PLEK: variants seen among roughly 807,000 people sequenced by gnomAD.
PLEK encodes platelet 47 kDa protein.
Under a neutral mutation model 43.9 loss-of-function variants are expected in PLEK, and 25 were observed. That is an observed-to-expected ratio of 0.57 (90% confidence interval 0.41 to 0.79). PLEK has a LOEUF of 0.79. PLEK is among the 30% of genes least tolerant of loss of function. The probability of loss-of-function intolerance (pLI) is 0.00; values close to 1 mark genes in which losing one functional copy is unlikely to be tolerated. For missense variants in PLEK, 396 were observed against 413.3 expected, an observed-to-expected ratio of 0.96 and a Z score of 0.36; for synonymous variants, 152 against 144.4, an observed-to-expected ratio of 1.05 and a Z score of -0.38.
rs554478893 is a variant in PLEK at position 68,387,620 on chromosome 2, C to G, written c.658-767C>G. Among the ~76,000 whole-genome samples the G allele has an allele frequency of 8.5e-5, 13 of 152,274 alleles. No homozygotes were observed. The South Asian group carries it at 2.5e-3, about 29-fold the overall frequency. On this transcript the variant is annotated intron_variant, in intron 5 of 8. Transcript: ENST00000234313. ...TGAACCTGTTCTTAGGCCATGTGAGCAATGGTGGATTTCTTGGGGGATTTT... is the reference window on the plus strand; with the variant it reads ...TGAACCTGTTCTTAGGCCATGTGAGGAATGGTGGATTTCTTGGGGGATTTT...
chr2:68,394,286 AATGGGGCAGGC>A, intron 8 of PLEK, 110 bp downstream of exon 8: 1 of 772,208 alleles, frequency 1.3e-6, no homozygotes, highest in Non-Finnish European at 2.4e-6. Context: ...GATAAGCAGG[AATGGGGCAGGC>A]ATGGTGGCTC....
chr2:68,379,521 A>G (rs1673570668), intron 1 of PLEK, among the ~76,000 whole-genome samples: 1 of 152,130 alleles, frequency 6.6e-6, no homozygotes, highest in Non-Finnish European at 1.5e-5. Context: ...AAAAAAAGAA[A>G]GAACTATACT....
intron 1 of PLEK, among the ~76,000 whole-genome samples, chr2:68,376,834 T>C (rs1673513169): frequency 6.6e-6 from 1 of 152,180 alleles, no homozygotes; most frequent in African/African-American, 2.4e-5. Flanking sequence ...GTCACACTGT[T>C]GTGCTATGAA....
chr2:68,376,898 A>G (rs888625771), intron 1 of PLEK, among the ~76,000 whole-genome samples: 2 of 152,136 alleles, frequency 1.3e-5, no homozygotes, highest in Non-Finnish European at 2.9e-5. Context: ...CCCATTAACC[A>G]TCCCCACCTC....
At chr2:68,370,749 G>C (rs1260541553) in intron 1 of PLEK, among the ~76,000 whole-genome samples, 2 of 152,166 alleles carry the variant, frequency 1.3e-5, no homozygotes, top group Non-Finnish European at 1.5e-5. Context: ...GCCTCCCAAA[G>C]TGCTAGGATT....
At chr2:68,366,867 T>G (rs545011911) in intron 1 of PLEK, among the ~76,000 whole-genome samples, 5 of 152,346 alleles carry the variant, frequency 3.3e-5, no homozygotes, top group African/African-American at 7.2e-5. Context: ...TTGTTTGTTT[T>G]TTTAAACAAT....
chr2:68,386,962 T>A (rs191275779), intron 5 of PLEK, among the ~76,000 whole-genome samples: 2,872 of 152,256 alleles, frequency 0.019, 70 homozygotes, highest in African/African-American at 0.064. Flanking sequence ...TGAAAAAAAA[T>A]TTTTAAAGGA....
chr2:68,382,487 T>C, intron 3 of PLEK, 55 bp from the exon 4 acceptor site: 1 of 1,053,116 alleles, frequency 9.5e-7, no homozygotes, highest in South Asian at 1.3e-5. Flanking sequence ...TCCCCACTCA[T>C]CCAACTGGGT....
chr2:68,391,398 T>C (rs1673856080), intron 6 of PLEK, among the ~76,000 whole-genome samples: 1 of 152,224 alleles, frequency 6.6e-6, no homozygotes, highest in African/African-American at 2.4e-5. Context: ...GTGGCAACTT[T>C]AGTGTCGTTA....
chr2:68,392,174 C>CCTTCTTCTTCTTCTT (rs376729611), intron 6 of PLEK, among the ~76,000 whole-genome samples: 5 of 149,506 alleles, frequency 3.3e-5, no homozygotes, highest in African/African-American at 1.0e-4. Context: ...TCCTCCTCCT[C>CCTTCTTCTTCTTCTT]CTTCTTCTTC....
At chr2:68,372,539 G>A in intron 1 of PLEK, among the ~76,000 whole-genome samples, 1 of 151,912 alleles carries the variant, frequency 6.6e-6, no homozygotes, top group East Asian at 1.9e-4. Context: ...TTGATGTCAT[G>A]CAATGTCAGA....
At position 68,395,982 on chromosome 2, in the gene PLEK, C is replaced by T. The variant is rs1352970312; in HGVS notation, c.*166C>T. On this transcript the variant is annotated 3_prime_UTR_variant, in exon 9 of 9. Coordinates refer to ENST00000234313, the MANE Select transcript of PLEK (RefSeq NM_002664.3). Reference sequence around the variant, plus strand: ...CTCACCATGTGGTGTGCAAGGTTCCCCTGCATTGTATTGCTCACTGCAGCC... The same window carrying T: ...CTCACCATGTGGTGTGCAAGGTTCCTCTGCATTGTATTGCTCACTGCAGCC... 2 of 640,522 alleles carry T rather than the reference C, an allele frequency of 3.1e-6. No homozygotes were observed. The highest frequency in any genetic ancestry group is 2.8e-5 in the East Asian group (1 of 36,166). 39.7% of individuals were successfully genotyped at this position (640,522 alleles called of 1,614,324 possible).
Position 68,393,190 on chromosome 2 carries a change from G to A in PLEK, c.791G>A (p.Arg264Lys), listed in dbSNP as rs531564877. 6.2e-7 allele frequency: 1 copy of A among 1,613,012 alleles called. No individual in the cohort carries two copies. Among genetic ancestry groups the A allele is most frequent in the East Asian group, 2.2e-5 (1 of 44,878 alleles). ...QGHRRKNWKV[R>K]KFILREDPAY... The stretch of plus-strand genomic sequence containing the variant: ...CATAGAAGGAAAAACTGGAAAGTGA[G>A]GAAGTTCATCTTGAGAGAAGACCCT... Residue 264 changes from arginine to lysine, a missense_variant, in exon 7 of 9, where the codon AGG (arginine) becomes AAG (lysine). Arg to Lys is a conservative substitution (Grantham distance 26). Coordinates refer to ENST00000234313, the MANE Select transcript of PLEK (RefSeq NM_002664.3).
intron 4 of PLEK, among the ~76,000 whole-genome samples, chr2:68,384,193 C>T (rs1326844827): frequency 9.7e-6 from 1 of 103,384 alleles, no homozygotes; most frequent in African/African-American, 4.0e-5. Flanking sequence ...CCTTCTCCTT[C>T]TCCTTCTCCT....
At chr2:68,366,829 A>G (rs1057502795) in intron 1 of PLEK, among the ~76,000 whole-genome samples, 3 of 152,224 alleles carry the variant, frequency 2.0e-5, no homozygotes, top group Non-Finnish European at 4.4e-5. Context: ...TGAGAAGAGC[A>G]AGTGAATAGG....
chr2:68,392,504 G>A (rs1269273437), intron 6 of PLEK, among the ~76,000 whole-genome samples: 1 of 152,020 alleles, frequency 6.6e-6, no homozygotes, highest in Non-Finnish European at 1.5e-5. Flanking sequence ...CTAAATCTCT[G>A]TCCACTTTTC....
chr2:68,383,272 C>T (rs1277044832), intron 4 of PLEK, among the ~76,000 whole-genome samples: 1 of 152,196 alleles, frequency 6.6e-6, no homozygotes, highest in African/African-American at 2.4e-5. Flanking sequence ...CTGGCACACA[C>T]TCAGTGCTAT....
chr2:68,387,160 C>A (rs995286053), intron 5 of PLEK, among the ~76,000 whole-genome samples: 1 of 152,150 alleles, frequency 6.6e-6, no homozygotes, highest in Non-Finnish European at 1.5e-5. Flanking sequence ...CATGCGCCAC[C>A]ACACTCAGCT....
Position 68,388,456 on chromosome 2 carries a change from G to C in PLEK, c.727G>C (p.Gly243Arg). 2 of 1,607,600 alleles carry C rather than the reference G, an allele frequency of 1.2e-6. No individual in the cohort carries two copies. The highest frequency in any genetic ancestry group is 1.7e-6 in the Non-Finnish European group (2 of 1,174,080). The change falls in exon 6 of 9, where the codon GGG becomes CGG. Residue 243 changes from glycine to arginine, a missense_variant. By Grantham distance (125) the Gly-to-Arg change is moderately radical. Transcript: ENST00000234313. ...DDVILKEEFR[G>R]VIIKQGCLLK... ...TGTGATTCTGAAAGAAGAATTCAGA[G>C]GGGTCATTATCAAGCAGGGATGTTT...
Sources: gnomAD v4.1 joint callset for allele counts (sites outside exome capture counted in the v4.1 genomes callset) on GRCh38, gnomAD v4.1.1 for gene constraint, MANE v1.5 for transcripts, NCBI Gene and HGNC (gene_info 2026-07-23, HGNC 2026-07-21) for gene names.